Variants in EXOC4 observed in about 807,000 individuals in gnomAD.
EXOC4 encodes the protein exocyst complex component 4, also known as SEC8-like 1.
EXOC4 carries 71 observed loss-of-function variants against 107.2 expected under a neutral mutation model. The observed-to-expected ratio is 0.66, with a 90% CI of 0.55 to 0.81. The LOEUF is 0.81. Among genes scored for constraint, EXOC4 ranks in the 30% least tolerant of loss-of-function variants. The pLI is 0.00. For missense variants in EXOC4, 1,108 were observed against 1,189.6 expected (o/e 0.93, Z 1.01); for synonymous variants, 456 against 441.2 (o/e 1.03, Z -0.42).
intron 11 of EXOC4, among the ~76,000 whole-genome samples, chr7:133,821,163 T>C (rs1191051565): frequency 1.3e-5 from 2 of 152,260 alleles, no homozygotes; most frequent in Non-Finnish European, 2.9e-5. Context: ...GCTAACACTT[T>C]AGTAGCATTT....
chr7:133,306,411 A>G (rs73436983), intron 4 of EXOC4, among the ~76,000 whole-genome samples: 2,013 of 152,276 alleles, frequency 0.013, 50 homozygotes, highest in African/African-American at 0.047. Flanking sequence ...AAATGTAGAT[A>G]TATTGGCTGG....
intron 10 of EXOC4, among the ~76,000 whole-genome samples, chr7:133,777,284 AG>A (rs372289493): frequency 0.98 from 148,287 of 150,698 alleles, 72,981 homozygotes; most frequent in East Asian, 1. Flanking sequence ...AGAGAAAGAG[AG>A]AGAGAGAGAG....
chr7:133,273,418 C>T (rs1793919680), intron 1 of EXOC4, among the ~76,000 whole-genome samples: 1 of 152,200 alleles, frequency 6.6e-6, no homozygotes, highest in Admixed American at 6.5e-5. Flanking sequence ...CAGGATCTCT[C>T]ATGTAAAGGC....
chr7:133,892,913 G>T (rs1307837694), intron 11 of EXOC4, among the ~76,000 whole-genome samples: 2 of 121,304 alleles, frequency 1.6e-5, no homozygotes, highest in East Asian at 4.4e-4. Context: ...TTGATTTGGG[G>T]TGGAGAGTTC....
intron 10 of EXOC4, among the ~76,000 whole-genome samples, chr7:133,762,491 A>G (rs1398332366): frequency 2.0e-5 from 3 of 152,194 alleles, no homozygotes; most frequent in Non-Finnish European, 4.4e-5. Context: ...GCATTGATTA[A>G]TACAACCAGT....
At chr7:133,672,774 A>G (rs1227512993) in intron 10 of EXOC4, among the ~76,000 whole-genome samples, 1 of 152,212 alleles carries the variant, frequency 6.6e-6, no homozygotes, top group Non-Finnish European at 1.5e-5. Context: ...GATGAAATGT[A>G]TAAATGCTGT....
intron 14 of EXOC4, among the ~76,000 whole-genome samples, chr7:133,955,816 C>T (rs977385051): frequency 7.2e-5 from 11 of 152,230 alleles, no homozygotes; most frequent in Non-Finnish European, 1.2e-4. Flanking sequence ...TCCCTGAGTG[C>T]GTGCATACGT....
the EXOC4 span, among the ~76,000 whole-genome samples, chr7:134,100,295 AG>A: frequency 5.4e-5 from 4 of 73,844 alleles, no homozygotes; most frequent in Non-Finnish European, 1.0e-4. Flanking sequence ...GGCCTGGAAC[AG>A]CTCCTTCCCC....
chr7:134,086,060 A>G, the EXOC4 span, among the ~76,000 whole-genome samples: 1 of 152,214 alleles, frequency 6.6e-6, no homozygotes, highest in Non-Finnish European at 1.5e-5. Context: ...CTAAGGCTAG[A>G]GACTTATTAG....
chr7:133,827,904 C>T (rs543634819), intron 11 of EXOC4, among the ~76,000 whole-genome samples: 17 of 152,268 alleles, frequency 1.1e-4, no homozygotes, highest in African/African-American at 3.9e-4. Flanking sequence ...GAGGCTGTTT[C>T]AGAATGACAT....
intron 9 of EXOC4, among the ~76,000 whole-genome samples, chr7:133,531,713 A>G (rs1305736891): frequency 6.6e-6 from 1 of 152,180 alleles, no homozygotes; most frequent in Non-Finnish European, 1.5e-5. Context: ...TGTGATTGAG[A>G]ATTCAGTTGT....
At chr7:133,788,391 T>C (rs1796633889) in intron 10 of EXOC4, among the ~76,000 whole-genome samples, 3 of 152,188 alleles carry the variant, frequency 2.0e-5, no homozygotes, top group African/African-American at 7.2e-5. Context: ...CTCATGAATT[T>C]TTTTTTTCCC....
chr7:133,917,985 CTT>C (rs779537433), intron 13 of EXOC4, among the ~76,000 whole-genome samples: 18 of 142,004 alleles, frequency 1.3e-4, no homozygotes, highest in Admixed American at 2.1e-4. Context: ...ATTAAAATAT[CTT>C]TTTTTTTTTT....
Position 133,374,861 on chromosome 7 carries a change from C to A in EXOC4, c.1041C>A (p.Asp347Glu). ...TAGAACTGCTGGAGTTACTGTTTGA[C>A]AAGTTTAATGCTGTAGCCGCTGCAC... ...LLLELLELLF[D>E]KFNAVAAAHS... Residue 347 changes from aspartate to glutamate, a missense_variant, in exon 7 of 18, where the codon GAC becomes GAA. Transcript: ENST00000253861. 2 of 1,613,742 alleles carry A rather than the reference C, an allele frequency of 1.2e-6. No homozygotes were observed. The highest frequency in any genetic ancestry group is 1.7e-6 in the Non-Finnish European group (2 of 1,179,728).
intron 17 of EXOC4, among the ~76,000 whole-genome samples, chr7:134,029,742 A>C (rs1250174954): frequency 1.3e-5 from 2 of 152,090 alleles, no homozygotes; most frequent in Non-Finnish European, 2.9e-5. Context: ...GCTGGTCTTA[A>C]ACTCCTATTC....
the EXOC4 span, among the ~76,000 whole-genome samples, chr7:134,080,136 C>G: frequency 6.6e-6 from 1 of 152,212 alleles, no homozygotes; most frequent in Non-Finnish European, 1.5e-5. Context: ...AAGTTTCATC[C>G]TGCCACAAAA....
rs539262199 is a variant in EXOC4, at chr7:133,925,053, T to A, written c.2027+7315T>A. Among the ~76,000 whole-genome samples, 13 of 152,366 alleles carry A rather than the reference T, an allele frequency of 8.5e-5. 1 individual carries two copies. In the South Asian group the frequency reaches 2.1e-3, roughly 24 times the overall value. ...TGGTAGACTTGACAGAGTGCCTTGATTTAGCACTTTAGAGTACCATAGAAT... is the reference window on the plus strand; with the variant it reads ...TGGTAGACTTGACAGAGTGCCTTGAATTAGCACTTTAGAGTACCATAGAAT... On this transcript the variant is annotated intron_variant, in intron 13 of 17. Transcript: ENST00000253861.
intron 9 of EXOC4, among the ~76,000 whole-genome samples, chr7:133,589,046 A>C (rs1325177467): frequency 6.6e-6 from 1 of 152,120 alleles, no homozygotes; most frequent in Non-Finnish European, 1.5e-5. Flanking sequence ...TACAAAATAA[A>C]AATATAAACT....
chr7:133,977,545 C>G (rs1040998692), intron 14 of EXOC4, among the ~76,000 whole-genome samples: 3 of 152,202 alleles, frequency 2.0e-5, no homozygotes, highest in African/African-American at 7.2e-5. Context: ...TGACTTCTAT[C>G]CCTGCCTTGG....
Sources: gnomAD v4.1 joint callset for allele counts (sites outside exome capture counted in the v4.1 genomes callset) on GRCh38, gnomAD v4.1.1 for gene constraint, MANE v1.5 for transcripts, NCBI Gene and HGNC (gene_info 2026-07-23, HGNC 2026-07-21) for gene names.